ELAPOR1: variants seen among roughly 807,000 people sequenced by gnomAD.
ELAPOR1 encodes endosome/lysosome-associated apoptosis and autophagy regulator 1.
ELAPOR1 carries 77 observed loss-of-function variants against 119.7 expected under a neutral mutation model. The observed-to-expected ratio is 0.64, with a 90% CI of 0.54 to 0.78. The LOEUF (loss-of-function observed/expected upper bound fraction) is 0.78. ELAPOR1 is among the 30% of genes least tolerant of loss of function. ELAPOR1 has a pLI of 0.00. For synonymous variants in ELAPOR1, 481 were observed against 487.2 expected (o/e 0.99, Z 0.17); for missense variants, 1,115 against 1,270.4 (o/e 0.88, Z 1.86).
chr1:109,188,102 C>G (rs938450800), intron 8 of ELAPOR1, 75 bp from the exon 9 acceptor site: 4 of 1,523,540 alleles, frequency 2.6e-6, no homozygotes, highest in Admixed American at 2.0e-5. Flanking sequence ...GCCCCCAGCC[C>G]CTATCCTCAA....
At chr1:109,157,901 T>A (rs1395825843) in intron 1 of ELAPOR1, among the ~76,000 whole-genome samples, 1 of 152,188 alleles carries the variant, frequency 6.6e-6, no homozygotes, top group Non-Finnish European at 1.5e-5. Flanking sequence ...TTCCTTTTTT[T>A]ATTTGAGACA....
In ELAPOR1 at chr1:109,191,753, G is replaced by C; in HGVS notation, c.1573G>C (p.Val525Leu). ...TGTGAATTCTAGGACCAACACTCCT[G>C]TGGAGACGTGGAAAGGTTCCAAAGG... Reference protein sequence around the residue: ...VGVNSRTNTPVETWKGSKGKQ... With the variant: ...VGVNSRTNTPLETWKGSKGKQ... The change falls in exon 13 of 22, where the codon GTG becomes CTG. Residue 525 changes from valine to leucine, a missense_variant. Physicochemically the swap from Val to Leu is conservative, Grantham distance 32. Transcript: ENST00000369939. The C allele has an allele frequency of 1.2e-6, 2 of 1,614,218 alleles. No individual in the cohort carries two copies. Among genetic ancestry groups the C allele is most frequent in the East Asian group, 4.5e-5 (2 of 44,888 alleles).
chr1:109,173,756 T>C lies in ELAPOR1; in HGVS notation c.871T>C (p.Phe291Leu). ...GTYADKQGSS[F>L]CKLCPANSYS... ...GTATGCAGACAAGCAGGGCTCCTCT[T>C]TCTGCAAACTTTGCCCAGCCAACTC... Residue 291 changes from phenylalanine to leucine, a missense_variant, in exon 7 of 22, where the codon TTC (phenylalanine) becomes CTC (leucine). By Grantham distance (22) the Phe-to-Leu change is conservative. Transcript: ENST00000369939. 1.2e-6 allele frequency: 2 copies of C among 1,614,134 alleles called. No individual in the cohort carries two copies. Among genetic ancestry groups the C allele is most frequent in the Non-Finnish European group, 1.7e-6 (2 of 1,180,004 alleles).
intron 8 of ELAPOR1, among the ~76,000 whole-genome samples, chr1:109,186,117 G>A (rs1230177434): frequency 1.3e-5 from 2 of 150,222 alleles, no homozygotes; most frequent in Non-Finnish European, 3.0e-5. Context: ...ATGAAGGAGG[G>A]TGGTGCCACT....
In ELAPOR1 at chr1:109,196,688, C is replaced by CT. The variant is rs57071302; in HGVS notation, c.2122-773dup. Among the ~76,000 whole-genome samples, 311 of 144,814 alleles carry CT rather than the reference C, an allele frequency of 2.1e-3. 1 individual carries two copies. Among genetic ancestry groups the CT allele is most frequent in the African/African-American group, 5.3e-3 (211 of 39,654 alleles). ...AAAGGCTGAGACACCAGATTTAGCACTTTTTTTTTTTTTGAGGTGGAGTCT... is the reference window on the plus strand; with the variant it reads ...AAAGGCTGAGACACCAGATTTAGCACTTTTTTTTTTTTTTGAGGTGGAGTCT... On this transcript the variant is annotated intron_variant, in intron 15 of 21. Transcript: ENST00000369939.
At chr1:109,198,538 A>G (rs760253409) in intron 17 of ELAPOR1, 35 bp from the exon 18 acceptor site, 2 of 1,569,282 alleles carry the variant, frequency 1.3e-6, no homozygotes, top group Admixed American at 3.5e-5. Flanking sequence ...CAGCTGAGTG[A>G]CTCATTCCCT....
chr1:109,131,104 T>C (rs567852380), intron 1 of ELAPOR1, among the ~76,000 whole-genome samples: 13 of 152,210 alleles, frequency 8.5e-5, no homozygotes, highest in Non-Finnish European at 1.6e-4. Context: ...GCTGCAGTCA[T>C]CCAAAAGCTT....
chr1:109,199,427 A>G (rs1654023767), intron 18 of ELAPOR1, among the ~76,000 whole-genome samples: 3 of 152,226 alleles, frequency 2.0e-5, no homozygotes, highest in Admixed American at 2.0e-4. Context: ...ACAGTAAAGT[A>G]CATAACAGGT....
At chr1:109,190,181 AAGGAACACCAGACTGGAAGAC>A (rs1401535297) in intron 11 of ELAPOR1, among the ~76,000 whole-genome samples, 9 of 152,220 alleles carry the variant, frequency 5.9e-5, no homozygotes, top group Admixed American at 2.0e-4. Flanking sequence ...GGTGTGGTGG[AAGGAACACCAGACTGGAAGAC>A]AGGGCACTTG....
At chr1:109,188,390 C>G (rs188926855) in intron 9 of ELAPOR1, 36 bp downstream of exon 9, 6 of 1,580,256 alleles carry the variant, frequency 3.8e-6, no homozygotes, top group Non-Finnish European at 5.2e-6. Flanking sequence ...TGCAGCACAT[C>G]GACTGTGTGG....
intron 18 of ELAPOR1, 38 bp from the exon 19 acceptor site, chr1:109,199,816 A>G: frequency 6.2e-7 from 1 of 1,603,044 alleles, no homozygotes; most frequent in Non-Finnish European, 8.5e-7. Context: ...CCACCCCTCC[A>G]GCGAGTGAGA....
At chr1:109,172,281 T>G (rs1379848917) in intron 4 of ELAPOR1, among the ~76,000 whole-genome samples, 1 of 152,200 alleles carries the variant, frequency 6.6e-6, no homozygotes, top group East Asian at 1.9e-4. Context: ...AGTTACAAGT[T>G]ATTTCTTTGG....
chr1:109,133,858 T>C (rs1023204979), intron 1 of ELAPOR1, among the ~76,000 whole-genome samples: 1 of 152,232 alleles, frequency 6.6e-6, no homozygotes, highest in Non-Finnish European at 1.5e-5. Flanking sequence ...AGAAGGATCA[T>C]CTGAGGCCTT....
chr1:109,195,763 G>C (rs958118531), intron 15 of ELAPOR1, among the ~76,000 whole-genome samples: 3 of 152,216 alleles, frequency 2.0e-5, no homozygotes, highest in African/African-American at 7.2e-5. Context: ...AAATATTTCA[G>C]ATCCAAAATT....
At chr1:109,193,248 C>T (rs998187386) in intron 14 of ELAPOR1, among the ~76,000 whole-genome samples, 7 of 152,166 alleles carry the variant, frequency 4.6e-5, no homozygotes, top group Non-Finnish European at 5.9e-5. Flanking sequence ...GAAATCTGCC[C>T]CTTCTTTGGA....
intron 3 of ELAPOR1, among the ~76,000 whole-genome samples, chr1:109,165,601 G>C (rs60481745): frequency 0.025 from 3,662 of 145,650 alleles, 139 homozygotes; most frequent in African/African-American, 0.086. Flanking sequence ...AAAAAAAAAA[G>C]AAAAACAAAA....
intron 1 of ELAPOR1, among the ~76,000 whole-genome samples, chr1:109,125,425 C>T (rs1648709807): frequency 6.7e-6 from 1 of 148,322 alleles, no homozygotes; most frequent in African/African-American, 2.5e-5. Context: ...AAGACAGAGT[C>T]TTGCTCCGTC....
intron 1 of ELAPOR1, among the ~76,000 whole-genome samples, chr1:109,154,054 G>C (rs1223508788): frequency 6.6e-6 from 1 of 151,796 alleles, no homozygotes; most frequent in Non-Finnish European, 1.5e-5. Context: ...GGCCGAGGCG[G>C]GCGGATCACC....
At chr1:109,162,108 G>A in intron 2 of ELAPOR1, 94 bp downstream of exon 2, 2 of 1,376,230 alleles carry the variant, frequency 1.5e-6, no homozygotes, top group South Asian at 1.3e-5. Context: ...TCCTGGCAGA[G>A]CAGCTGCATT....
Sources: allele counts gnomAD v4.1 joint callset (sites outside exome capture counted in the v4.1 genomes callset), GRCh38; gene constraint gnomAD v4.1.1; transcripts MANE v1.5; gene names NCBI Gene and HGNC (gene_info 2026-07-23, HGNC 2026-07-21).